PDE4D: variants seen among roughly 807,000 people sequenced by gnomAD.
The protein encoded by PDE4D is phosphodiesterase 4D.
Under a neutral mutation model 87.4 loss-of-function variants are expected in PDE4D, and 24 were observed. The observed-to-expected ratio is 0.27, with a 90% CI of 0.20 to 0.39. The LOEUF (loss-of-function observed/expected upper bound fraction) is 0.39. Ranked by LOEUF, PDE4D falls within the 10% of genes least tolerant of loss-of-function variation. PDE4D has a pLI of 1.00. For missense variants in PDE4D, 714 were observed against 1,041.0 expected, an observed-to-expected ratio of 0.69 and a Z score of 4.32; for synonymous variants, 384 against 383.2, an observed-to-expected ratio of 1.00 and a Z score of -0.02.
intron 1 of PDE4D, among the ~76,000 whole-genome samples, chr5:60,361,542 G>A (rs1760068833): frequency 6.6e-6 from 1 of 152,160 alleles, no homozygotes; most frequent in Non-Finnish European, 1.5e-5. Flanking sequence ...CATTAGTTCT[G>A]TTCACAATTA....
chr5:59,952,908 C>T (rs1424721070), intron 3 of PDE4D, among the ~76,000 whole-genome samples: 1 of 152,152 alleles, frequency 6.6e-6, no homozygotes, highest in East Asian at 1.9e-4. Flanking sequence ...TATCTCTACC[C>T]TACCTTGTTC....
intron 1 of PDE4D, among the ~76,000 whole-genome samples, chr5:60,250,577 A>G (rs1362336442): frequency 1.3e-5 from 2 of 151,990 alleles, no homozygotes; most frequent in African/African-American, 4.8e-5. Flanking sequence ...CCTAGTTATT[A>G]ATATACCATA....
chr5:60,128,495 T>C (rs1779301780), intron 2 of PDE4D, among the ~76,000 whole-genome samples: 2 of 152,184 alleles, frequency 1.3e-5, no homozygotes, highest in Non-Finnish European at 2.9e-5. Context: ...GGTTCCCTAT[T>C]CACATACTGA....
chr5:60,483,175 G>C (rs1742509832), intron 1 of PDE4D, among the ~76,000 whole-genome samples: 1 of 152,056 alleles, frequency 6.6e-6, no homozygotes, highest in Non-Finnish European at 1.5e-5. Flanking sequence ...GGGGGTGGGT[G>C]GGGGACAGAG....
chr5:60,352,730 G>A (rs1436485618), intron 1 of PDE4D, among the ~76,000 whole-genome samples: 1 of 152,146 alleles, frequency 6.6e-6, no homozygotes, highest in African/African-American at 2.4e-5. Flanking sequence ...CAGTTCAAGG[G>A]ATATTTTATA....
intron 3 of PDE4D, among the ~76,000 whole-genome samples, chr5:59,959,005 A>C (rs1386865787): frequency 1.3e-5 from 2 of 152,142 alleles, no homozygotes; most frequent in African/African-American, 4.8e-5. Context: ...TCAGGATACA[A>C]AATGAATGTA....
At chr5:60,479,098 C>T (rs1748537144) in intron 1 of PDE4D, among the ~76,000 whole-genome samples, 1 of 152,108 alleles carries the variant, frequency 6.6e-6, no homozygotes, top group Admixed American at 6.6e-5. Flanking sequence ...AGGATTCAAA[C>T]CCAAGTTCAA....
intron 1 of PDE4D, among the ~76,000 whole-genome samples, chr5:59,273,198 G>C (rs533726915): frequency 6.6e-6 from 1 of 152,082 alleles, no homozygotes; most frequent in Non-Finnish European, 1.5e-5. Flanking sequence ...GTAGGGTGGT[G>C]GTGGAGAAAT....
intron 1 of PDE4D, among the ~76,000 whole-genome samples, chr5:59,857,879 G>GGGAA (rs556702419): frequency 2.9e-4 from 41 of 140,168 alleles, no homozygotes; most frequent in Middle Eastern, 7.7e-3. Flanking sequence ...GAAGGAAGGT[G>GGGAA]GGAAGGAAGG....
chr5:59,016,179 T>C (rs1228573403), intron 6 of PDE4D, among the ~76,000 whole-genome samples: 3 of 152,182 alleles, frequency 2.0e-5, no homozygotes, highest in African/African-American at 7.2e-5. Flanking sequence ...CTAATGTAAA[T>C]GACGAGTTAA....
At chr5:60,311,908 C>G (rs575325038) in intron 1 of PDE4D, among the ~76,000 whole-genome samples, 2 of 152,240 alleles carry the variant, frequency 1.3e-5, no homozygotes, top group South Asian at 4.2e-4. Flanking sequence ...ATTATAATTT[C>G]AGACAAAATT....
At chr5:60,150,111 T>C (rs1376611546) in intron 2 of PDE4D, among the ~76,000 whole-genome samples, 2 of 150,098 alleles carry the variant, frequency 1.3e-5, no homozygotes, top group African/African-American at 4.9e-5. Flanking sequence ...AGGATAGTAC[T>C]ATACAAATTA....
intron 1 of PDE4D, among the ~76,000 whole-genome samples, chr5:59,813,187 C>T (rs1282840456): frequency 1.3e-5 from 2 of 152,146 alleles, no homozygotes; most frequent in African/African-American, 4.8e-5. Context: ...AACTCCCTTA[C>T]AACAATCAGG....
At chr5:60,494,049 C>T (rs561592601) in intron 1 of PDE4D, among the ~76,000 whole-genome samples, 93 of 152,208 alleles carry the variant, frequency 6.1e-4, no homozygotes, top group Admixed American at 2.3e-3. Context: ...CTTATCGGAC[C>T]CACAGACAAA....
chr5:59,282,565 C>G (rs775806802), intron 1 of PDE4D, among the ~76,000 whole-genome samples: 10 of 137,978 alleles, frequency 7.2e-5, no homozygotes, highest in Non-Finnish European at 1.1e-4. Context: ...ATTGCTTCAA[C>G]TTGGGAGGAG....
At chr5:59,410,326 A>C (rs1792437494) in intron 1 of PDE4D, among the ~76,000 whole-genome samples, 1 of 152,038 alleles carries the variant, frequency 6.6e-6, no homozygotes, top group Admixed American at 6.6e-5. Flanking sequence ...ATCTCATCAC[A>C]ACCTCTGCCT....
At chr5:59,020,778 C>A (rs948479270) in intron 6 of PDE4D, among the ~76,000 whole-genome samples, 1 of 151,972 alleles carries the variant, frequency 6.6e-6, no homozygotes, top group South Asian at 2.1e-4. Flanking sequence ...AGAACAATTA[C>A]CTGCAAAATG....
intron 11 of PDE4D, among the ~76,000 whole-genome samples, chr5:58,983,022 T>C (rs747860896): frequency 3.3e-5 from 5 of 152,242 alleles, no homozygotes; most frequent in Non-Finnish European, 5.9e-5. Context: ...AGACAAATCA[T>C]TGGCTACGGC....
chr5:60,034,443 G>A (rs968428191), intron 2 of PDE4D, among the ~76,000 whole-genome samples: 1 of 152,120 alleles, frequency 6.6e-6, no homozygotes, highest in African/African-American at 2.4e-5. Flanking sequence ...TTGGCTTGCG[G>A]CTTCACACCA....
Sources: gnomAD v4.1 joint callset for allele counts (sites outside exome capture counted in the v4.1 genomes callset) on GRCh38, gnomAD v4.1.1 for gene constraint, MANE v1.5 for transcripts, NCBI Gene and HGNC (gene_info 2026-07-23, HGNC 2026-07-21) for gene names.